GSG1L: variants seen among roughly 807,000 people sequenced by gnomAD.
GSG1L encodes the protein GSG1 like.
GSG1L carries 24 observed loss-of-function variants against 42.1 expected under a neutral mutation model. The ratio of observed to expected loss-of-function variants is 0.57; its 90% CI spans 0.41 to 0.80. The LOEUF (loss-of-function observed/expected upper bound fraction) is 0.80, where lower values mean the gene tolerates loss of function less well. GSG1L is among the 30% of genes least tolerant of loss of function. GSG1L has a pLI of 0.00. For missense variants in GSG1L, 445 were observed against 472.2 expected (o/e 0.94, Z 0.53); for synonymous variants, 215 against 203.5 (o/e 1.06, Z -0.48).
chr16:27,979,686 A>AGAAGGAAG lies in GSG1L; in HGVS notation c.350-16491_350-16484dup, dbSNP rs1271446807. 9.7e-4 allele frequency among the ~76,000 whole-genome samples: 39 copies of AGAAGGAAG among 40,012 alleles called. 1 individual carries two copies. The highest frequency in any genetic ancestry group is 1.1e-3 in the Non-Finnish European group (23 of 21,230). The allele number at this position is 40,012 out of a possible 152,430, so 26.2% of individuals were successfully genotyped here. Reference sequence around the variant, plus strand: ...AAGAGAGAGAGAGAGAGAGAAAGAAAGAAGGAAGGAAGGAAGGAAGGAAGG... The same window carrying AGAAGGAAG: ...AAGAGAGAGAGAGAGAGAGAAAGAAAGAAGGAAGGAAGGAAGGAAGGAAGGAAGGAAGG... On this transcript the variant is annotated intron_variant, in intron 1 of 6. Transcript: ENST00000447459.
At chr16:28,022,628 C>T (rs188891787) in intron 1 of GSG1L, among the ~76,000 whole-genome samples, 253 of 152,176 alleles carry the variant, frequency 1.7e-3, no homozygotes, top group African/African-American at 5.9e-3. Flanking sequence ...TGCACCACCA[C>T]GCCCAGCTAA....
chr16:27,837,191 G>A (rs7188528), intron 4 of GSG1L, among the ~76,000 whole-genome samples: 45,246 of 152,000 alleles, frequency 0.3, 7,008 homozygotes, highest in Admixed American at 0.41. Flanking sequence ...AAGGCCACAC[G>A]GGAAGGAGGA....
chr16:27,977,849 G>A (rs575497358), intron 1 of GSG1L, among the ~76,000 whole-genome samples: 1 of 152,188 alleles, frequency 6.6e-6, no homozygotes, highest in East Asian at 1.9e-4. Flanking sequence ...GTTTTTCAGG[G>A]GTGTGTCCAC....
At position 27,807,518 on chromosome 16, in the gene GSG1L, G is replaced by A. The variant is rs770113472; in HGVS notation, c.867C>T (p.His289=). The change falls in exon 6 of 7, where the codon CAC becomes CAT. Residue 289 remains histidine, a synonymous_variant. Coordinates refer to ENST00000447459, the MANE Select transcript of GSG1L (RefSeq NM_001109763.2). ...EKRDGSEEDF[H]LDCRHERYPA... ...GGTATCTCTCGTGGCGGCAGTCTAAGTGAAAGTCCTCCTCGCTCCCGTCCC... is the reference window on the plus strand; with the variant it reads ...GGTATCTCTCGTGGCGGCAGTCTAAATGAAAGTCCTCCTCGCTCCCGTCCC... The A allele has an allele frequency of 6.2e-7, 1 of 1,613,084 alleles. No individual in the cohort carries two copies. The highest frequency in any genetic ancestry group is 1.1e-5 in the South Asian group (1 of 91,014).
At chr16:27,867,446 A>T (rs1280385693) in intron 3 of GSG1L, among the ~76,000 whole-genome samples, 1 of 152,106 alleles carries the variant, frequency 6.6e-6, no homozygotes, top group African/African-American at 2.4e-5. Flanking sequence ...CCTGGCTCCC[A>T]CCTCTATGGC....
At chr16:27,953,871 T>G (rs534969502) in intron 2 of GSG1L, among the ~76,000 whole-genome samples, 1 of 152,108 alleles carries the variant, frequency 6.6e-6, no homozygotes, top group South Asian at 2.1e-4. Flanking sequence ...AGAGCAAGAC[T>G]CCATCTCAAA....
Position 27,789,932 on chromosome 16 carries a change from A to C in GSG1L, c.*1438T>G, listed in dbSNP as rs927452972. The C allele has an allele frequency of 6.7e-6, 1 of 149,854 alleles. No individual in the cohort carries two copies. The highest frequency in any genetic ancestry group is 1.5e-5 in the Non-Finnish European group (1 of 67,630). 9.3% of individuals were successfully genotyped at this position (149,854 alleles called of 1,614,324 possible). ...GTGGGTGGATAATGGATTAATGATG[A>C]TGGAGGGATGAATGAAAAATGGATG... On this transcript the variant is annotated 3_prime_UTR_variant, in exon 7 of 7. Transcript: ENST00000447459.
At chr16:27,856,859 G>A (rs1230402074) in intron 3 of GSG1L, among the ~76,000 whole-genome samples, 2 of 152,178 alleles carry the variant, frequency 1.3e-5, no homozygotes, top group African/African-American at 4.8e-5. Flanking sequence ...TTTGGGTGAG[G>A]AGTGGGGTGG....
chr16:27,930,774 G>T (rs1486099481), intron 2 of GSG1L, among the ~76,000 whole-genome samples: 1 of 152,138 alleles, frequency 6.6e-6, no homozygotes, highest in African/African-American at 2.4e-5. Context: ...ATCCAGGCTG[G>T]AGTGCAGTGG....
chr16:28,037,540 C>T (rs1344613346), intron 1 of GSG1L, among the ~76,000 whole-genome samples: 1 of 152,128 alleles, frequency 6.6e-6, no homozygotes, highest in African/African-American at 2.4e-5. Flanking sequence ...CAGACCATCA[C>T]CTCCCTCATG....
chr16:27,961,443 G>A (rs1262535131), intron 2 of GSG1L, among the ~76,000 whole-genome samples: 1 of 151,744 alleles, frequency 6.6e-6, no homozygotes, highest in African/African-American at 2.4e-5. Context: ...CAGTGGAGAG[G>A]TGTGAAGCGC....
intron 1 of GSG1L, among the ~76,000 whole-genome samples, chr16:28,049,605 T>C (rs1257458517): frequency 1.3e-5 from 2 of 151,072 alleles, no homozygotes; most frequent in Non-Finnish European, 2.9e-5. Context: ...GAGGATCACC[T>C]AAGCCTGAAA....
At chr16:27,874,752 C>G (rs1461863389) in intron 3 of GSG1L, among the ~76,000 whole-genome samples, 1 of 152,130 alleles carries the variant, frequency 6.6e-6, no homozygotes, top group African/African-American at 2.4e-5. Context: ...TTTGTCTGGT[C>G]TTGATCTGTA....
chr16:27,832,773 G>A (rs1205757571), intron 4 of GSG1L, among the ~76,000 whole-genome samples: 1 of 152,202 alleles, frequency 6.6e-6, no homozygotes, highest in Admixed American at 6.5e-5. Context: ...TTGACAAAAT[G>A]TCTATTGGTG....
At chr16:27,857,985 T>G (rs543651755) in intron 3 of GSG1L, among the ~76,000 whole-genome samples, 54 of 152,294 alleles carry the variant, frequency 3.5e-4, no homozygotes, top group Non-Finnish European at 6.5e-4. Context: ...TCCTTCTGCC[T>G]TAGCATAGAA....
intron 2 of GSG1L, among the ~76,000 whole-genome samples, chr16:27,891,336 G>A (rs1219041408): frequency 1.3e-5 from 2 of 152,102 alleles, no homozygotes; most frequent in African/African-American, 2.4e-5. Flanking sequence ...ATCTCTGTGT[G>A]GTGCTAATAG....
chr16:27,928,294 C>G (rs1161909204), intron 2 of GSG1L, among the ~76,000 whole-genome samples: 1 of 150,716 alleles, frequency 6.6e-6, no homozygotes, highest in African/African-American at 2.4e-5. Context: ...GATTCCAGCC[C>G]TTGTCCATCT....
chr16:27,883,893 T>G (rs979149268), intron 3 of GSG1L, among the ~76,000 whole-genome samples: 2 of 152,242 alleles, frequency 1.3e-5, no homozygotes, highest in Non-Finnish European at 2.9e-5. Flanking sequence ...GACTGTCCCA[T>G]TCTTCCTGAA....
At chr16:28,013,115 T>C (rs924249060) in intron 1 of GSG1L, among the ~76,000 whole-genome samples, 5 of 151,522 alleles carry the variant, frequency 3.3e-5, no homozygotes, top group African/African-American at 9.7e-5. Flanking sequence ...TCCCAGTTAC[T>C]TGGGAGGCCG....
Sources: allele counts gnomAD v4.1 joint callset (sites outside exome capture counted in the v4.1 genomes callset), GRCh38; gene constraint gnomAD v4.1.1; transcripts MANE v1.5; gene names NCBI Gene and HGNC (gene_info 2026-07-23, HGNC 2026-07-21).